The following CD33 variants were observed in gnomAD, a reference collection of about 807,000 sequenced individuals.
CD33 encodes the protein myeloid cell surface antigen CD33.
CD33 carries 25 observed loss-of-function variants against 31.4 expected under a neutral mutation model. That is an observed-to-expected ratio of 0.80 (90% CI 0.58 to 1.11). CD33 has a LOEUF of 1.11. Among genes scored for constraint, CD33 ranks in the 50% most tolerant of loss-of-function variants. CD33 has a pLI of 0.00. For missense variants in CD33, 407 were observed against 448.1 expected (o/e 0.91, Z 0.83); for synonymous variants, 176 against 180.6 (o/e 0.97, Z 0.20).
the CD33 span, among the ~76,000 whole-genome samples, chr19:51,219,276 T>C: frequency 6.6e-6 from 1 of 152,234 alleles, no homozygotes; most frequent in East Asian, 1.9e-4. Flanking sequence ...GGTATTTTTC[T>C]GTTGCAATTG....
chr19:51,238,791 G>A (rs1008831410), intron 6 of CD33: 1 of 152,224 alleles, frequency 6.6e-6, no homozygotes, highest in Non-Finnish European at 1.5e-5. Flanking sequence ...CCCAAATCTA[G>A]AACCAAGAAA....
At chr19:51,233,656 C>T (rs1211000234) in intron 4 of CD33, among the ~76,000 whole-genome samples, 1 of 152,230 alleles carries the variant, frequency 6.6e-6, no homozygotes, top group African/African-American at 2.4e-5. Flanking sequence ...GGCAGCTCTT[C>T]CAACTGTGCT....
chr19:51,225,350 A>T lies in CD33; in HGVS notation c.170A>T (p.His57Leu). The change falls in exon 2 of 7, where the codon CAT becomes CTT. Residue 57 changes from histidine to leucine, a missense_variant. By Grantham distance (99) the His-to-Leu change is moderately conservative. Transcript: ENST00000262262. Reference sequence around the variant, plus strand: ...TACTACGACAAGAACTCCCCAGTTCATGGTTACTGGTTCCGGGAAGGAGCC... The same window carrying T: ...TACTACGACAAGAACTCCCCAGTTCTTGGTTACTGGTTCCGGGAAGGAGCC... ...IPYYDKNSPV[H>L]GYWFREGAII... The T allele has an allele frequency of 1.9e-6, 3 of 1,614,206 alleles. No homozygotes were observed. Among genetic ancestry groups the T allele is most frequent in the Non-Finnish European group, 2.5e-6 (3 of 1,180,040 alleles).
chr19:51,216,513 G>A, the CD33 span, among the ~76,000 whole-genome samples: 68 of 151,848 alleles, frequency 4.5e-4, no homozygotes, highest in African/African-American at 1.2e-3. Context: ...GTTCGAGACC[G>A]GCCTGACCAA....
chr19:51,230,704 T>C (rs1447507555), intron 4 of CD33, among the ~76,000 whole-genome samples: 1 of 152,224 alleles, frequency 6.6e-6, no homozygotes, highest in Non-Finnish European at 1.5e-5. Flanking sequence ...TCCACTTGGG[T>C]AGAATATCTT....
Position 51,225,270 on chromosome 19 carries a change from G to A in CD33, c.90G>A (p.Thr30=), listed in dbSNP as rs201510739. 3.2e-4 allele frequency: 523 copies of A among 1,614,014 alleles called. 6 individuals are homozygous for A. In the East Asian group the frequency reaches 9.3e-3, roughly 29 times the overall value. ...NFWLQVQESV[T]VQEGLCVLVP... ...GGCTGCAAGTGCAGGAGTCAGTGAC[G>A]GTACAGGAGGGTTTGTGCGTCCTCG... Residue 30 remains threonine (T), a synonymous_variant, in exon 2 of 7, where the codon ACG becomes ACA. Coordinates refer to ENST00000262262, the MANE Select transcript of CD33 (RefSeq NM_001772.4).
chr19:51,231,636 T>G (rs1470103607), intron 4 of CD33, among the ~76,000 whole-genome samples: 2 of 151,446 alleles, frequency 1.3e-5, no homozygotes, highest in Admixed American at 6.6e-5. Flanking sequence ...AAGATTTGAT[T>G]CCTTTCTCTT....
chr19:51,221,436 G>T (rs571360767), upstream of CD33, among the ~76,000 whole-genome samples: 16 of 152,288 alleles, frequency 1.1e-4, no homozygotes, highest in African/African-American at 3.9e-4. Context: ...TTACATACCT[G>T]AGAACATAAC....
upstream of CD33, among the ~76,000 whole-genome samples, chr19:51,223,645 GCC>G (rs1159539221): frequency 1.3e-5 from 2 of 152,126 alleles, 1 homozygote; most frequent in South Asian, 4.1e-4. Flanking sequence ...ACTTGCTTCT[GCC>G]CACACTGAAC....
chr19:51,225,448 T>G lies in CD33; in HGVS notation c.268T>G (p.Phe90Val). The G allele has an allele frequency of 6.2e-7, 1 of 1,614,092 alleles. No individual in the cohort carries two copies. Among genetic ancestry groups the G allele is most frequent in the Non-Finnish European group, 8.5e-7 (1 of 1,179,970 alleles). The change falls in exon 2 of 7, where the codon TTC becomes GTC. Residue 90 changes from phenylalanine to valine, a missense_variant. Phe to Val is a conservative substitution (Grantham distance 50, BLOSUM62 -1). Coordinates refer to ENST00000262262, the MANE Select transcript of CD33 (RefSeq NM_001772.4). ...AGTACAGGAGGAGACTCAGGGCAGATTCCGCCTCCTTGGGGATCCCAGTAG... is the reference window on the plus strand; with the variant it reads ...AGTACAGGAGGAGACTCAGGGCAGAGTCCGCCTCCTTGGGGATCCCAGTAG... ...QEVQEETQGRFRLLGDPSRNN... is the reference protein window; with the variant it reads ...QEVQEETQGRVRLLGDPSRNN...
chr19:51,215,028 A>G, the CD33 span, among the ~76,000 whole-genome samples: 1 of 152,074 alleles, frequency 6.6e-6, no homozygotes, highest in Non-Finnish European at 1.5e-5. Context: ...ACTTTTTTGT[A>G]GGGAAATCAA....
At chr19:51,211,211 C>A in the CD33 span, 3 of 1,573,932 alleles carry the variant, frequency 1.9e-6, no homozygotes, top group Admixed American at 5.5e-5. Context: ...CCCACAGGGG[C>A]CCTGGCTATG....
At chr19:51,220,446 G>C (rs1035477806), upstream of CD33, among the ~76,000 whole-genome samples, 1 of 152,128 alleles carries the variant, frequency 6.6e-6, no homozygotes, top group Non-Finnish European at 1.5e-5. Flanking sequence ...ATTGTGGCTG[G>C]TGTCATTCCT....
intron 5 of CD33, 52 bp from the exon 6 acceptor site, chr19:51,235,543 G>A: frequency 6.4e-7 from 1 of 1,572,804 alleles, no homozygotes; most frequent in Non-Finnish European, 8.6e-7. Context: ...TCATAACAAT[G>A]GCCCCACAGC....
chr19:51,238,713 G>A (rs1054816857), intron 6 of CD33: 3 of 152,254 alleles, frequency 2.0e-5, no homozygotes, highest in African/African-American at 7.2e-5. Context: ...ACTAGAGAGA[G>A]TTCAAGAGAG....
upstream of CD33, among the ~76,000 whole-genome samples, chr19:51,223,206 C>A (rs1399585226): frequency 6.6e-6 from 1 of 151,836 alleles, no homozygotes; most frequent in African/African-American, 2.4e-5. Flanking sequence ...GGCAACAAAG[C>A]AAGACCCTGT....
At chr19:51,235,444 G>A (rs1366105991) in intron 5 of CD33, 151 bp from the exon 6 acceptor site, 8 of 1,384,118 alleles carry the variant, frequency 5.8e-6, no homozygotes, top group Non-Finnish European at 7.7e-6. Flanking sequence ...CAAGGAGTGG[G>A]AGGTAGAGGG....
intron 6 of CD33, chr19:51,239,311 A>G: frequency 4.8e-6 from 2 of 413,138 alleles, no homozygotes; most frequent in Non-Finnish European, 8.5e-6. Context: ...CTCTGTGAGT[A>G]TTCAAGAGAA....
At chr19:51,223,981 C>T (rs1980813432), upstream of CD33, among the ~76,000 whole-genome samples, 1 of 152,122 alleles carries the variant, frequency 6.6e-6, no homozygotes, top group Non-Finnish European at 1.5e-5. Flanking sequence ...CATCTCTTCT[C>T]AAGCCCCACC....
Sources: allele counts gnomAD v4.1 joint callset (sites outside exome capture counted in the v4.1 genomes callset), GRCh38; gene constraint gnomAD v4.1.1; transcripts MANE v1.5; gene names NCBI Gene and HGNC (gene_info 2026-07-23, HGNC 2026-07-21).